ESCO1: variants seen among roughly 807,000 people sequenced by gnomAD.
The protein encoded by ESCO1 is establishment of sister chromatid cohesion N-acetyltransferase 1.
A neutral mutation model predicts 83.5 loss-of-function variants in ESCO1; 33 were observed. That is an observed-to-expected ratio of 0.40 (90% CI 0.30 to 0.53). The LOEUF is 0.53. ESCO1 is among the 20% of genes least tolerant of loss of function. The probability of loss-of-function intolerance (pLI) is 0.63; values close to 1 mark genes in which losing one functional copy is unlikely to be tolerated. For missense variants in ESCO1, 855 were observed against 968.0 expected, an observed-to-expected ratio of 0.88 and a Z score of 1.55; for synonymous variants, 332 against 324.3, an observed-to-expected ratio of 1.02 and a Z score of -0.25.
intron 8 of ESCO1, among the ~76,000 whole-genome samples, chr18:21,547,558 C>T (rs997643897): frequency 1.3e-5 from 2 of 151,902 alleles, no homozygotes; most frequent in South Asian, 2.1e-4. Flanking sequence ...AAAGTATATG[C>T]TTGAAAGGAA....
intron 2 of ESCO1, among the ~76,000 whole-genome samples, chr18:21,578,890 T>C (rs796550009): frequency 1.3e-5 from 2 of 152,080 alleles, no homozygotes; most frequent in African/African-American, 4.8e-5. Flanking sequence ...AGATGTAGTC[T>C]CACTCTGTTG....
intron 1 of ESCO1, among the ~76,000 whole-genome samples, chr18:21,598,917 G>C (rs892003735): frequency 3.9e-5 from 6 of 151,988 alleles, no homozygotes; most frequent in Admixed American, 2.6e-4. Context: ...CTCTATTACA[G>C]TCCTAGTTTC....
In ESCO1 at chr18:21,573,239, T is replaced by C. The variant is rs1009679930; in HGVS notation, c.1530+75A>G. The C allele has an allele frequency of 7.3e-6, 10 of 1,363,758 alleles. No individual in the cohort carries two copies. In the African/African-American group the frequency reaches 1.0e-4, roughly 14 times the overall value. 84.5% of individuals were successfully genotyped at this position (1,363,758 alleles called of 1,614,324 possible). On this transcript the variant is annotated intron_variant, in intron 4 of 11. Coordinates refer to ENST00000269214, the MANE Select transcript of ESCO1 (RefSeq NM_052911.3). ...TCAATCTTTTATGACTTCATTCTTA[T>C]GCTAAAATGTTATAAAGACATTTCT... is the stretch of plus-strand genomic sequence containing the variant.
chr18:21,546,649 C>G (rs1170407332), intron 8 of ESCO1, among the ~76,000 whole-genome samples: 2 of 152,124 alleles, frequency 1.3e-5, no homozygotes, highest in Non-Finnish European at 2.9e-5. Flanking sequence ...TAGGCTCAAG[C>G]AACTCTCCCA....
At chr18:21,545,766 T>TA (rs1359762603) in intron 8 of ESCO1, among the ~76,000 whole-genome samples, 1 of 151,444 alleles carries the variant, frequency 6.6e-6, no homozygotes, top group African/African-American at 2.4e-5. Flanking sequence ...CCATGTCTAC[T>TA]AAAAATACAA....
chr18:21,556,718 T>C (rs533799023), intron 8 of ESCO1, among the ~76,000 whole-genome samples: 1 of 152,194 alleles, frequency 6.6e-6, no homozygotes, highest in South Asian at 2.1e-4. Context: ...TTTTTCCCCT[T>C]GAGATGGAGT....
intron 2 of ESCO1, among the ~76,000 whole-genome samples, chr18:21,582,865 C>T (rs1199070583): frequency 1.3e-5 from 2 of 152,210 alleles, no homozygotes; most frequent in Non-Finnish European, 2.9e-5. Flanking sequence ...GGACAATCCA[C>T]CTATCAAAAT....
intron 7 of ESCO1, 67 bp from the exon 8 acceptor site, chr18:21,561,057 A>AG: frequency 1.3e-6 from 2 of 1,492,628 alleles, no homozygotes; most frequent in Non-Finnish European, 1.8e-6. Flanking sequence ...ATCAGCCTCT[A>AG]AGGCTATAGT....
chr18:21,585,003 G>A (rs1311692909), intron 1 of ESCO1, among the ~76,000 whole-genome samples: 1 of 152,064 alleles, frequency 6.6e-6, no homozygotes, highest in East Asian at 1.9e-4. Context: ...TTAGCCAGGT[G>A]TGGTGGCGGG....
chr18:21,531,354 T>C (rs2037764616), intron 11 of ESCO1, among the ~76,000 whole-genome samples: 1 of 152,174 alleles, frequency 6.6e-6, no homozygotes, highest in Non-Finnish European at 1.5e-5. Flanking sequence ...GAGGATTTCC[T>C]GAGCCCAGGA....
At chr18:21,563,006 G>C (rs1178764477) in intron 7 of ESCO1, among the ~76,000 whole-genome samples, 6 of 150,972 alleles carry the variant, frequency 4.0e-5, no homozygotes, top group African/African-American at 1.5e-4. Context: ...CGAGCAGCTG[G>C]GATTATAGGA....
At chr18:21,592,690 C>A (rs1425829840) in intron 1 of ESCO1, among the ~76,000 whole-genome samples, 2 of 150,922 alleles carry the variant, frequency 1.3e-5, no homozygotes, top group Non-Finnish European at 3.0e-5. Flanking sequence ...AGCTGCCGGG[C>A]GGAGACGCTC....
At chr18:21,598,502 CCAGCCTGGCCAA>C (rs942181802) in intron 1 of ESCO1, among the ~76,000 whole-genome samples, 2 of 150,084 alleles carry the variant, frequency 1.3e-5, no homozygotes, top group Admixed American at 6.7e-5. Context: ...GAGTTCAAGA[CCAGCCTGGCCAA>C]CACGGTGAAA....
chr18:21,557,159 GTTAT>G (rs769304519), intron 8 of ESCO1, among the ~76,000 whole-genome samples: 1 of 152,068 alleles, frequency 6.6e-6, no homozygotes, highest in Non-Finnish European at 1.5e-5. Context: ...TTGTTTTAAT[GTTAT>G]TTAAATTTTT....
At position 21,539,831 on chromosome 18, in the gene ESCO1, G is replaced by A. The variant is rs1000753721; in HGVS notation, c.2043+89C>T. On this transcript the variant is annotated intron_variant, in intron 9 of 11. Transcript: ENST00000269214. ...CCACTGCACTCCAGCCTGAGCGACAGAGCAAGACCCTGTCTCAGGGTAAAA... is the reference window on the plus strand; with the variant it reads ...CCACTGCACTCCAGCCTGAGCGACAAAGCAAGACCCTGTCTCAGGGTAAAA... 9.2e-6 allele frequency: 10 copies of A among 1,091,234 alleles called. No individual in the cohort carries two copies. In the African/African-American group the frequency reaches 1.3e-4, roughly 14 times the overall value. The allele number at this position is 1,091,234 out of a possible 1,614,324, so 67.6% of individuals were successfully genotyped here. A position where few individuals can be genotyped will look rare whatever the true frequency, so the allele number is the denominator to read the frequency against.
chr18:21,591,791 G>A (rs1006854773), intron 1 of ESCO1, among the ~76,000 whole-genome samples: 1 of 151,940 alleles, frequency 6.6e-6, no homozygotes, highest in Non-Finnish European at 1.5e-5. Flanking sequence ...AAGGTCTCTG[G>A]TTTTCCTAGG....
intron 10 of ESCO1, 118 bp from the exon 11 acceptor site, chr18:21,532,778 T>C (rs12373434): frequency 0.17 from 146,482 of 860,018 alleles, 13,561 homozygotes; most frequent in Middle Eastern, 0.24. Context: ...GGGCCACTTA[T>C]GCTTTCACTC....
At chr18:21,533,446 C>T (rs900606684) in intron 10 of ESCO1, among the ~76,000 whole-genome samples, 1 of 152,110 alleles carries the variant, frequency 6.6e-6, no homozygotes, top group African/African-American at 2.4e-5. Flanking sequence ...CAGGCACGCA[C>T]CGCCATGCCC....
chr18:21,579,848 G>A (rs571225914), intron 2 of ESCO1, among the ~76,000 whole-genome samples: 123 of 149,902 alleles, frequency 8.2e-4, no homozygotes, highest in African/African-American at 2.8e-3. Flanking sequence ...ACACAGCAGG[G>A]AGGGGACCTA....
Sources: allele counts gnomAD v4.1 joint callset (sites outside exome capture counted in the v4.1 genomes callset), GRCh38; gene constraint gnomAD v4.1.1; transcripts MANE v1.5; gene names NCBI Gene and HGNC (gene_info 2026-07-23, HGNC 2026-07-21).